Variants in PAPPA2 observed in about 807,000 individuals in gnomAD.
The protein encoded by PAPPA2 is pappalysin 2.
In PAPPA2, 86 loss-of-function variants were observed where a neutral mutation model predicts 176.4. The observed-to-expected ratio is 0.49, with a 90% confidence interval of 0.41 to 0.58. The LOEUF (loss-of-function observed/expected upper bound fraction) is 0.58, where lower values mean the gene tolerates loss of function less well. Ranked by LOEUF, PAPPA2 falls within the 20% of genes least tolerant of loss-of-function variation. The pLI is 0.00. For missense variants in PAPPA2, 2,073 were observed against 2,256.9 expected, an observed-to-expected ratio of 0.92 and a Z score of 1.65; for synonymous variants, 809 against 852.2, an observed-to-expected ratio of 0.95 and a Z score of 0.88.
chr1:176,750,797 A>T (rs553568825), intron 14 of PAPPA2, among the ~76,000 whole-genome samples: 1 of 152,336 alleles, frequency 6.6e-6, no homozygotes, highest in African/African-American at 2.4e-5. Flanking sequence ...GGATCATTAT[A>T]AAACATATAA....
intron 3 of PAPPA2, among the ~76,000 whole-genome samples, chr1:176,634,595 T>A (rs1158690691): frequency 1.3e-5 from 2 of 150,918 alleles, no homozygotes; most frequent in Non-Finnish European, 3.0e-5. Context: ...ATAATAAAAA[T>A]ATATATATAT....
In PAPPA2 at chr1:176,845,475, C is replaced by G. The variant is rs1165764386; in HGVS notation, c.*3021C>G. The G allele has an allele frequency of 6.6e-6, 1 of 152,082 alleles. No homozygotes were observed. The highest frequency in any genetic ancestry group is 1.5e-5 in the Non-Finnish European group (1 of 68,016). 9.4% of individuals were successfully genotyped at this position (152,082 alleles called of 1,614,324 possible). ...CACTATTGAGTGCATTAGTTAACAC[C>G]CAAGGGGATGGCTTGATTGGGAATG... On this transcript the variant is annotated 3_prime_UTR_variant, in exon 23 of 23. Transcript: ENST00000367662.
rs750050537 is a variant in PAPPA2 at position 176,557,080 on chromosome 1, C to T, written c.758C>T (p.Thr253Ile). The T allele has an allele frequency of 6.2e-7, 1 of 1,613,936 alleles. No individual in the cohort carries two copies. Among genetic ancestry groups the T allele is most frequent in the South Asian group, 1.1e-5 (1 of 91,060 alleles). The change falls in exon 2 of 23, where the codon ACC becomes ATC. Residue 253 changes from threonine to isoleucine, a missense_variant. Around this residue, in one of 4 missense-constraint regions of PAPPA2, gnomAD observed 1,196 missense variants for 1,330.4 expected, o/e 0.90. Coordinates refer to ENST00000367662, the MANE Select transcript of PAPPA2 (RefSeq NM_020318.3). The stretch of plus-strand genomic sequence containing the variant: ...GAGGGCTCCTACCGAGAAGCAGAGA[C>T]CTTTAACTCCCAAGTAGGACTGCCC... ...GGEGSYREAE[T>I]FNSQVGLPIL...
intron 21 of PAPPA2, among the ~76,000 whole-genome samples, chr1:176,812,165 TC>T (rs1666176848): frequency 6.6e-6 from 1 of 151,974 alleles, no homozygotes; most frequent in South Asian, 2.1e-4. Context: ...TATCCCTTTT[TC>T]CTCCCACTCC....
At chr1:176,593,503 T>G (rs571473882) in intron 2 of PAPPA2, among the ~76,000 whole-genome samples, 56 of 152,358 alleles carry the variant, frequency 3.7e-4, no homozygotes, top group African/African-American at 1.3e-3. Context: ...TGAGAGACTA[T>G]GTACTAGAAG....
intron 14 of PAPPA2, among the ~76,000 whole-genome samples, chr1:176,756,542 G>A (rs1427869447): frequency 6.6e-6 from 1 of 152,156 alleles, no homozygotes; most frequent in Non-Finnish European, 1.5e-5. Context: ...GTCTGCAATT[G>A]AATTGCTTTT....
chr1:176,505,343 T>C (rs1273825341), intron 1 of PAPPA2, among the ~76,000 whole-genome samples: 2 of 152,078 alleles, frequency 1.3e-5, no homozygotes, highest in Admixed American at 6.6e-5. Context: ...CATGGGGTTA[T>C]TGGGTCCAGA....
At chr1:176,611,095 C>T (rs1360796704) in intron 3 of PAPPA2, among the ~76,000 whole-genome samples, 2 of 152,180 alleles carry the variant, frequency 1.3e-5, no homozygotes, top group African/African-American at 4.8e-5. Context: ...ATTAACCCTG[C>T]ACACTGTCAT....
At chr1:176,508,007 G>A (rs1572981605) in intron 1 of PAPPA2, among the ~76,000 whole-genome samples, 1 of 152,090 alleles carries the variant, frequency 6.6e-6, no homozygotes, top group East Asian at 1.9e-4. Context: ...AAACCTTGGG[G>A]CATTTGGTCA....
At chr1:176,543,195 T>C (rs1650453376) in intron 1 of PAPPA2, among the ~76,000 whole-genome samples, 1 of 152,310 alleles carries the variant, frequency 6.6e-6, no homozygotes, top group Non-Finnish European at 1.5e-5. Flanking sequence ...GCAGTTATGA[T>C]GAAGAGGCAG....
rs537721053 is a variant in PAPPA2 at position 176,727,093 on chromosome 1, G to T, written c.3799-12533G>T. ...ATGCACAAATAACTGTAGAGGAAAA[G>T]TCAAAGAGAAGATTAATGGAATAAT... On this transcript the variant is annotated intron_variant, in intron 12 of 22. Transcript: ENST00000367662. 3.9e-5 allele frequency among the ~76,000 whole-genome samples: 6 copies of T among 152,130 alleles called. 1 individual carries two copies. The highest frequency in any genetic ancestry group is 1.3e-4 in the Admixed American group (2 of 15,278).
At chr1:176,646,575 C>T (rs990974393) in intron 3 of PAPPA2, among the ~76,000 whole-genome samples, 3 of 150,048 alleles carry the variant, frequency 2.0e-5, no homozygotes, top group African/African-American at 7.3e-5. Flanking sequence ...TCATTCCCTG[C>T]CTCTGGTAAT....
intron 14 of PAPPA2, among the ~76,000 whole-genome samples, chr1:176,752,342 T>TAAAAAAAAAAA (rs58591760): frequency 8.3e-5 from 8 of 96,470 alleles, no homozygotes; most frequent in East Asian, 3.4e-4. Flanking sequence ...TAGAGTATAA[T>TAAAAAAAAAAA]AAAAAAAAAA....
At chr1:176,727,080 C>T (rs954117158) in intron 12 of PAPPA2, among the ~76,000 whole-genome samples, 2 of 151,732 alleles carry the variant, frequency 1.3e-5, no homozygotes, top group African/African-American at 4.8e-5. Flanking sequence ...GCACAAATAA[C>T]TGTAGAGGAA....
At chr1:176,841,744 T>G (rs12139387) in intron 22 of PAPPA2, among the ~76,000 whole-genome samples, 11,769 of 152,090 alleles carry the variant, frequency 0.077, 488 homozygotes, top group Non-Finnish European at 0.086. Flanking sequence ...AATGGGTGGG[T>G]AGATGCATTA....
chr1:176,505,274 C>G lies in PAPPA2; in HGVS notation c.-917+41856C>G, dbSNP rs1648193123. On this transcript the variant is annotated intron_variant, in intron 1 of 22. Transcript: ENST00000367662. ...TGTCCTCAGATCAAAGTAATCAATG[C>G]ATTTGTGCTTTAAAAGCAAACAAAA... is the stretch of plus-strand genomic sequence containing the variant. Among the ~76,000 whole-genome samples, 4 of 152,088 alleles carry G rather than the reference C, an allele frequency of 2.6e-5. No individual in the cohort carries two copies. In the South Asian group the frequency reaches 8.3e-4, roughly 31 times the overall value.
At chr1:176,702,446 G>A (rs534986303) in intron 8 of PAPPA2, among the ~76,000 whole-genome samples, 161 bp from the exon 9 acceptor site, 9 of 152,222 alleles carry the variant, frequency 5.9e-5, no homozygotes, top group Non-Finnish European at 1.0e-4. Context: ...CTGGTGCTCG[G>A]GAAGACTGTG....
intron 14 of PAPPA2, among the ~76,000 whole-genome samples, chr1:176,763,884 G>T (rs969389624): frequency 6.6e-6 from 1 of 152,132 alleles, no homozygotes; most frequent in Non-Finnish European, 1.5e-5. Context: ...TGCTATAACT[G>T]AATGCCTGAT....
intron 4 of PAPPA2, among the ~76,000 whole-genome samples, chr1:176,676,805 A>G (rs1197231832): frequency 2.0e-5 from 3 of 152,132 alleles, no homozygotes. Flanking sequence ...ATCTCTATAA[A>G]TAAGCAAGGT....
Sources: allele counts gnomAD v4.1 joint callset (sites outside exome capture counted in the v4.1 genomes callset), GRCh38; gene constraint gnomAD v4.1.1; regional missense constraint gnomAD v4.1.1; transcripts MANE v1.5; gene names NCBI Gene and HGNC (gene_info 2026-07-23, HGNC 2026-07-21).